LSAMP: variants seen among roughly 807,000 people sequenced by gnomAD.
LSAMP encodes limbic system associated membrane protein.
A neutral mutation model predicts 38.6 loss-of-function variants in LSAMP; 7 were observed. The ratio of observed to expected loss-of-function variants is 0.18; its 90% CI spans 0.10 to 0.34. The LOEUF (loss-of-function observed/expected upper bound fraction) is 0.34, where lower values mean the gene tolerates loss of function less well. LSAMP is among the 10% of genes least tolerant of loss of function. The probability of loss-of-function intolerance (pLI) is 1.00; values close to 1 mark genes in which losing one functional copy is unlikely to be tolerated. For synonymous variants in LSAMP, 154 were observed against 166.8 expected (o/e 0.92, Z 0.59); for missense variants, 313 against 420.0 (o/e 0.75, Z 2.23).
At position 116,157,099 on chromosome 3, in the gene LSAMP, G is replaced by A. The variant is rs1291747711; in HGVS notation, c.156-70543C>T. Among the ~76,000 whole-genome samples, 6 of 152,164 alleles carry A rather than the reference G, an allele frequency of 3.9e-5. No homozygotes were observed. The South Asian group carries it at 1.2e-3, about 32-fold the overall frequency. ...TTTGGATTATTAGAATCACCTGGGG[G>A]AACTTCCTAACCAGGCCCAGACCCA... On this transcript the variant is annotated intron_variant, in intron 1 of 6. Transcript: ENST00000490035.
chr3:116,120,217 T>C (rs1283847731), intron 1 of LSAMP, among the ~76,000 whole-genome samples: 1 of 152,192 alleles, frequency 6.6e-6, no homozygotes, highest in East Asian at 1.9e-4. Flanking sequence ...GGTATCTTGA[T>C]GGACCAAAGG....
At chr3:116,253,237 C>T (rs567783072) in intron 1 of LSAMP, among the ~76,000 whole-genome samples, 1 of 151,252 alleles carries the variant, frequency 6.6e-6, no homozygotes, top group South Asian at 2.1e-4. Flanking sequence ...AAAAAAAAAC[C>T]TCTTCACCAT....
At chr3:116,372,442 G>A (rs1324522387) in intron 1 of LSAMP, among the ~76,000 whole-genome samples, 1 of 151,852 alleles carries the variant, frequency 6.6e-6, no homozygotes, top group Non-Finnish European at 1.5e-5. Context: ...ACCTAAATGT[G>A]AGATGTGAAA....
intron 3 of LSAMP, among the ~76,000 whole-genome samples, chr3:115,986,857 C>T (rs1939524407): frequency 6.6e-6 from 1 of 152,110 alleles, no homozygotes; most frequent in African/African-American, 2.4e-5. Context: ...ATACCTTTTT[C>T]CCAGGGAGCC....
At chr3:115,936,671 G>A (rs756031747) in intron 3 of LSAMP, among the ~76,000 whole-genome samples, 1 of 152,214 alleles carries the variant, frequency 6.6e-6, no homozygotes, top group South Asian at 2.1e-4. Flanking sequence ...AACCTGGAGG[G>A]AATTTTTAAG....
chr3:115,905,200 C>A (rs981481660), intron 3 of LSAMP, among the ~76,000 whole-genome samples: 2 of 152,044 alleles, frequency 1.3e-5, no homozygotes, highest in Non-Finnish European at 2.9e-5. Context: ...TAGAATATAA[C>A]CTATTTTTAA....
chr3:115,832,100 T>G (rs1202110247), intron 6 of LSAMP, among the ~76,000 whole-genome samples: 4 of 152,110 alleles, frequency 2.6e-5, no homozygotes, highest in Admixed American at 2.0e-4. Flanking sequence ...CTGCTGTGCA[T>G]CCCCAGTCAT....
At chr3:116,315,482 A>G (rs547057110) in intron 1 of LSAMP, among the ~76,000 whole-genome samples, 1 of 152,316 alleles carries the variant, frequency 6.6e-6, no homozygotes, top group East Asian at 1.9e-4. Flanking sequence ...AAACTCTTCA[A>G]TCAGTCAATT....
rs931228364 is a variant in LSAMP, at chr3:116,137,630, T to A, written c.156-51074A>T. 5.3e-5 allele frequency among the ~76,000 whole-genome samples: 8 copies of A among 152,174 alleles called. No homozygotes were observed. In the South Asian group the frequency reaches 6.2e-4, roughly 12 times the overall value. On this transcript the variant is annotated intron_variant, in intron 1 of 6. Coordinates refer to ENST00000490035, the MANE Select transcript of LSAMP (RefSeq NM_002338.5). Reference sequence around the variant, plus strand: ...CACAAGGCTTAAACTGATTTGTTTTTATGGCTACCCCAGCTAATCAATTTA... The same window carrying A: ...CACAAGGCTTAAACTGATTTGTTTTAATGGCTACCCCAGCTAATCAATTTA...
At chr3:116,222,389 TC>T (rs1444034056) in intron 1 of LSAMP, among the ~76,000 whole-genome samples, 1 of 152,116 alleles carries the variant, frequency 6.6e-6, no homozygotes, top group East Asian at 1.9e-4. Flanking sequence ...TACTTGGTGC[TC>T]ATTTTAAACT....
chr3:116,062,240 GGCCTATGCCT>G (rs2107358017), intron 2 of LSAMP, among the ~76,000 whole-genome samples: 1 of 152,294 alleles, frequency 6.6e-6, no homozygotes, highest in East Asian at 1.9e-4. Flanking sequence ...CGGGCATGGT[GGCCTATGCCT>G]GTAATCCCAG....
rs1576231778 is a variant in LSAMP, at chr3:116,445,462, T to C, written c.-431A>G. 2 of 449,252 alleles carry C rather than the reference T, an allele frequency of 4.5e-6. No individual in the cohort carries two copies. The highest frequency in any genetic ancestry group is 6.8e-5 in the East Asian group (2 of 29,570). 27.8% of individuals were successfully genotyped at this position (449,252 alleles called of 1,614,324 possible). A position where few individuals can be genotyped will look rare whatever the true frequency, so the allele number is the denominator to read the frequency against. On this transcript the variant is annotated 5_prime_UTR_variant, in exon 1 of 7. Coordinates refer to ENST00000490035, the MANE Select transcript of LSAMP (RefSeq NM_002338.5). ...AGGGAGCCGGCACCAAGCCTGCCAGTGAGTGTACAGAAACAGCCACACAGC... is the reference window on the plus strand; with the variant it reads ...AGGGAGCCGGCACCAAGCCTGCCAGCGAGTGTACAGAAACAGCCACACAGC...
intron 1 of LSAMP, among the ~76,000 whole-genome samples, chr3:116,087,997 A>G (rs1340714447): frequency 1.3e-5 from 2 of 151,352 alleles, no homozygotes; most frequent in African/African-American, 4.9e-5. Flanking sequence ...GAGCTCAAGC[A>G]ATCCTCCTGC....
chr3:115,928,975 T>TTG (rs542748959), intron 3 of LSAMP, among the ~76,000 whole-genome samples: 16,897 of 139,260 alleles, frequency 0.12, 1,322 homozygotes, highest in Non-Finnish European at 0.17. Context: ...TTTTGTTTGT[T>TTG]TTTTTTTTTT....
chr3:115,911,855 T>C (rs1174634357), intron 3 of LSAMP, among the ~76,000 whole-genome samples: 2 of 152,214 alleles, frequency 1.3e-5, no homozygotes, highest in African/African-American at 2.4e-5. Context: ...GGTGTTGCCA[T>C]ATTTTTTATT....
intron 1 of LSAMP, among the ~76,000 whole-genome samples, chr3:116,109,441 C>G (rs1016442919): frequency 1.3e-5 from 2 of 151,654 alleles, no homozygotes; most frequent in Non-Finnish European, 1.5e-5. Context: ...GGGACTGAGG[C>G]GACAGGCGGG....
At chr3:116,433,029 A>G (rs2049302085) in intron 1 of LSAMP, among the ~76,000 whole-genome samples, 1 of 152,182 alleles carries the variant, frequency 6.6e-6, no homozygotes, top group Admixed American at 6.5e-5. Context: ...TTATCTCAAA[A>G]CAAACACCAG....
In LSAMP at chr3:116,132,990, G is replaced by C. The variant is rs1263426494; in HGVS notation, c.156-46434C>G. Among the ~76,000 whole-genome samples the C allele has an allele frequency of 3.3e-5, 5 of 152,134 alleles. 1 individual carries two copies. Among genetic ancestry groups the C allele is most frequent in the Admixed American group, 3.3e-4 (5 of 15,272 alleles). ...GTTTGACAAAATAGAATGAGATCTT[G>C]GTTATAAATGGTGCCTCAGATCACT... On this transcript the variant is annotated intron_variant, in intron 1 of 6. Transcript: ENST00000490035.
At chr3:115,858,308 A>G (rs1239873059) in intron 3 of LSAMP, among the ~76,000 whole-genome samples, 1 of 152,180 alleles carries the variant, frequency 6.6e-6, no homozygotes, top group South Asian at 2.1e-4. Flanking sequence ...TTCCCAGGAC[A>G]TGACAACCAG....
Sources: gnomAD v4.1 joint callset for allele counts (sites outside exome capture counted in the v4.1 genomes callset) on GRCh38, gnomAD v4.1.1 for gene constraint, MANE v1.5 for transcripts, NCBI Gene and HGNC (gene_info 2026-07-23, HGNC 2026-07-21) for gene names.